ADAMTS17: variants seen among roughly 807,000 people sequenced by gnomAD.
ADAMTS17 encodes ADAM metallopeptidase with thrombospondin type 1 motif 17.
ADAMTS17 carries 113 observed loss-of-function variants against 141.5 expected under a neutral mutation model. The ratio of observed to expected loss-of-function variants is 0.80; its 90% confidence interval spans 0.69 to 0.93. The LOEUF (loss-of-function observed/expected upper bound fraction) is 0.93, where lower values mean the gene tolerates loss of function less well. ADAMTS17 is among the 40% of genes least tolerant of loss of function. ADAMTS17 has a pLI of 0.00. For missense variants in ADAMTS17, 1,659 were observed against 1,517.9 expected (o/e 1.09, Z -1.54); for synonymous variants, 768 against 630.6 (o/e 1.22, Z -3.27).
intron 8 of ADAMTS17, among the ~76,000 whole-genome samples, chr15:100,178,139 T>G (rs891972583): frequency 2.2e-4 from 34 of 152,210 alleles, no homozygotes; most frequent in African/African-American, 8.2e-4. Context: ...GTTTGTCTTT[T>G]AGCTGAAGTA....
chr15:100,233,141 C>G (rs1427379391), intron 7 of ADAMTS17, among the ~76,000 whole-genome samples: 2 of 152,080 alleles, frequency 1.3e-5, no homozygotes, highest in African/African-American at 4.8e-5. Flanking sequence ...CTAGTCTGTC[C>G]AACATGGTGA....
At chr15:100,146,495 G>C (rs540295326) in intron 10 of ADAMTS17, among the ~76,000 whole-genome samples, 1 of 152,230 alleles carries the variant, frequency 6.6e-6, no homozygotes, top group Non-Finnish European at 1.5e-5. Flanking sequence ...AGCTGAGGAA[G>C]ATGTATGTCG....
At chr15:100,091,259 C>A (rs1289529135) in intron 15 of ADAMTS17, among the ~76,000 whole-genome samples, 1 of 151,892 alleles carries the variant, frequency 6.6e-6, no homozygotes, top group Non-Finnish European at 1.5e-5. Context: ...TGCCAGATAC[C>A]ACCACACTGC....
At chr15:100,132,267 G>T in intron 11 of ADAMTS17, 115 bp from the exon 12 acceptor site, 1 of 1,399,256 alleles carries the variant, frequency 7.1e-7, no homozygotes, top group Non-Finnish European at 9.7e-7. Context: ...TTTACATAAA[G>T]GTACAGTCTA....
At chr15:100,274,537 C>G (rs1206476165) in intron 4 of ADAMTS17, among the ~76,000 whole-genome samples, 1 of 152,210 alleles carries the variant, frequency 6.6e-6, no homozygotes, top group Non-Finnish European at 1.5e-5. Context: ...TATCCTTTCA[C>G]TTTCAACCTC....
At chr15:99,989,044 T>A (rs1208409131) in intron 20 of ADAMTS17, among the ~76,000 whole-genome samples, 1 of 152,188 alleles carries the variant, frequency 6.6e-6, no homozygotes, top group Non-Finnish European at 1.5e-5. Flanking sequence ...CCAAAGACCA[T>A]CTACAGGACG....
At chr15:100,034,976 A>G (rs994136628) in intron 18 of ADAMTS17, among the ~76,000 whole-genome samples, 9 of 152,196 alleles carry the variant, frequency 5.9e-5, no homozygotes, top group Non-Finnish European at 1.3e-4. Flanking sequence ...CTGGAAGGCC[A>G]CCTTCCTTGG....
intron 21 of ADAMTS17, 63 bp downstream of exon 21, chr15:99,975,982 G>A (rs1265419927): frequency 1.3e-6 from 2 of 1,495,872 alleles, no homozygotes; most frequent in East Asian, 2.5e-5. Context: ...CACCGTCAGG[G>A]AGGACTTACT....
At chr15:100,029,072 G>T (rs1048054377) in intron 18 of ADAMTS17, among the ~76,000 whole-genome samples, 1 of 152,184 alleles carries the variant, frequency 6.6e-6, no homozygotes, top group Non-Finnish European at 1.5e-5. Flanking sequence ...GCATGCCTCA[G>T]TGCACTTGGG....
chr15:100,158,766 C>T (rs2039554675), intron 8 of ADAMTS17, among the ~76,000 whole-genome samples: 1 of 152,134 alleles, frequency 6.6e-6, no homozygotes, highest in South Asian at 2.1e-4. Flanking sequence ...GCTCCTACAA[C>T]TCAATAGCAA....
chr15:100,129,720 G>A (rs183106868), intron 12 of ADAMTS17: 2 of 150,992 alleles, frequency 1.3e-5, no homozygotes, highest in African/African-American at 4.9e-5. Context: ...TACAGCCTGG[G>A]CAACAAGAGC....
At chr15:99,975,827 C>T (rs1255938915) in intron 21 of ADAMTS17, among the ~76,000 whole-genome samples, 4 of 152,168 alleles carry the variant, frequency 2.6e-5, no homozygotes, top group African/African-American at 9.7e-5. Flanking sequence ...CGCTCAGGTG[C>T]CTGTGTTGGA....
At chr15:100,165,784 C>T (rs2039925939) in intron 8 of ADAMTS17, among the ~76,000 whole-genome samples, 1 of 152,156 alleles carries the variant, frequency 6.6e-6, no homozygotes, top group African/African-American at 2.4e-5. Context: ...GGAACAAAGC[C>T]AGTTCAGGTG....
chr15:100,120,150 C>G (rs56025332), intron 12 of ADAMTS17, among the ~76,000 whole-genome samples: 2,694 of 152,322 alleles, frequency 0.018, 82 homozygotes, highest in African/African-American at 0.06. Context: ...GAGGAGGAAG[C>G]ACCAGGAATC....
chr15:100,101,647 G>A (rs2036108930), intron 14 of ADAMTS17, among the ~76,000 whole-genome samples: 1 of 152,174 alleles, frequency 6.6e-6, no homozygotes, highest in Admixed American at 6.5e-5. Context: ...ACACACAGTG[G>A]CTGGTGTGGT....
intron 7 of ADAMTS17, among the ~76,000 whole-genome samples, chr15:100,221,278 CTTTTTTTT>C (rs34908375): frequency 6.8e-6 from 1 of 147,962 alleles, no homozygotes; most frequent in African/African-American, 2.5e-5. Context: ...ATAAACTTCA[CTTTTTTTT>C]TTTTTAACAG....
intron 8 of ADAMTS17, among the ~76,000 whole-genome samples, chr15:100,158,038 G>A (rs1264407546): frequency 3.3e-5 from 5 of 152,076 alleles, no homozygotes; most frequent in African/African-American, 9.7e-5. Context: ...AGAGGCACGC[G>A]CCAGCACGCC....
At chr15:100,179,634 T>C (rs773682164) in intron 8 of ADAMTS17, among the ~76,000 whole-genome samples, 3 of 152,204 alleles carry the variant, frequency 2.0e-5, no homozygotes, top group Non-Finnish European at 2.9e-5. Flanking sequence ...CTGTTCTCCA[T>C]AGTGGTGGTA....
At chr15:100,030,604 G>C (rs2030052741) in intron 18 of ADAMTS17, among the ~76,000 whole-genome samples, 1 of 152,090 alleles carries the variant, frequency 6.6e-6, no homozygotes, top group African/African-American at 2.4e-5. Context: ...TCCTTCCCTA[G>C]TCTTACCCCC....
Sources: gnomAD v4.1 joint callset for allele counts (sites outside exome capture counted in the v4.1 genomes callset) on GRCh38, gnomAD v4.1.1 for gene constraint, MANE v1.5 for transcripts, NCBI Gene and HGNC (gene_info 2026-07-23, HGNC 2026-07-21) for gene names.